Variants in PABPC4L observed in about 807,000 individuals in gnomAD.
PABPC4L encodes the protein poly(A) binding protein cytoplasmic 4 like, also known as polyadenylate-binding protein 4-like.
For missense variants in PABPC4L, 452 were observed against 451.4 expected, an observed-to-expected ratio of 1.00 and a Z score of -0.01; for synonymous variants, 169 against 164.1, an observed-to-expected ratio of 1.03 and a Z score of -0.23.
At chr4:134,114,195 G>A in the PABPC4L span, among the ~76,000 whole-genome samples, 1 of 151,674 alleles carries the variant, frequency 6.6e-6, no homozygotes, top group South Asian at 2.1e-4. Flanking sequence ...ACAAGCACAA[G>A]TTGGAGTCAC....
chr4:134,024,921 TA>T, the PABPC4L span, among the ~76,000 whole-genome samples: 1 of 87,094 alleles, frequency 1.1e-5, no homozygotes, highest in Non-Finnish European at 2.0e-5. Flanking sequence ...GCTAATTATG[TA>T]ATTTTTTTTT....
the PABPC4L span, among the ~76,000 whole-genome samples, chr4:134,060,438 T>A: frequency 6.6e-6 from 1 of 151,314 alleles, no homozygotes; most frequent in South Asian, 2.1e-4. Context: ...TCAGAACCCA[T>A]CCTTCTGCTT....
the PABPC4L span, among the ~76,000 whole-genome samples, chr4:134,081,243 A>T: frequency 1.3e-5 from 2 of 152,128 alleles, no homozygotes; most frequent in Non-Finnish European, 2.9e-5. Flanking sequence ...ATGTGGTGGA[A>T]TGGGGTTTAG....
chr4:134,033,629 A>G, the PABPC4L span, among the ~76,000 whole-genome samples: 1 of 151,982 alleles, frequency 6.6e-6, no homozygotes, highest in Non-Finnish European at 1.5e-5. Flanking sequence ...TCTAATATGA[A>G]GAAACTTTTA....
the PABPC4L span, among the ~76,000 whole-genome samples, chr4:134,079,704 A>G: frequency 2.0e-5 from 3 of 150,720 alleles, no homozygotes; most frequent in Admixed American, 1.3e-4. Flanking sequence ...TGTGAGAGAG[A>G]GAGAGAGAGA....
chr4:134,019,113 G>A, the PABPC4L span, among the ~76,000 whole-genome samples: 5,847 of 152,218 alleles, frequency 0.038, 160 homozygotes, highest in Middle Eastern at 0.095. Context: ...ATAAAAATTA[G>A]AGAAATATGG....
the PABPC4L span, among the ~76,000 whole-genome samples, chr4:134,010,289 T>G: frequency 3.9e-5 from 6 of 152,078 alleles, no homozygotes. Flanking sequence ...GCTTTAAGCA[T>G]GTGAAATCTA....
At chr4:134,091,786 A>C in the PABPC4L span, among the ~76,000 whole-genome samples, 1 of 152,164 alleles carries the variant, frequency 6.6e-6, no homozygotes, top group East Asian at 1.9e-4. Flanking sequence ...GATTACATCT[A>C]ATAATCTAGT....
At chr4:134,054,387 TC>T in the PABPC4L span, among the ~76,000 whole-genome samples, 1 of 150,612 alleles carries the variant, frequency 6.6e-6, no homozygotes, top group Non-Finnish European at 1.5e-5. Context: ...ATAATAGAGA[TC>T]CCTTGTATCC....
rs1214387603 is a variant in PABPC4L at position 134,198,991 on chromosome 4, A to G, written c.*916T>C. 6.6e-6 allele frequency: 1 copy of G among 152,038 alleles called. No individual in the cohort carries two copies. Among genetic ancestry groups the G allele is most frequent in the Non-Finnish European group, 1.5e-5 (1 of 67,914 alleles). 9.4% of individuals were successfully genotyped at this position (152,038 alleles called of 1,614,324 possible). A position where few individuals can be genotyped will look rare whatever the true frequency, so the allele number is the denominator to read the frequency against. On this transcript the variant is annotated 3_prime_UTR_variant, in exon 2 of 2. Coordinates refer to ENST00000421491, the MANE Select transcript of PABPC4L (RefSeq NM_001114734.2). ...ACCCTAAGAGAAAATCACTACACAAAACAATATAAAAGAGATTTTAAAAGT... is the reference window on the plus strand; with the variant it reads ...ACCCTAAGAGAAAATCACTACACAAGACAATATAAAAGAGATTTTAAAAGT...
the PABPC4L span, among the ~76,000 whole-genome samples, chr4:134,013,005 G>T: frequency 1.3e-5 from 2 of 152,076 alleles, no homozygotes; most frequent in Admixed American, 1.3e-4. Flanking sequence ...ACACCTCTCT[G>T]ATTATTCACC....
At chr4:133,986,513 A>C in the PABPC4L span, among the ~76,000 whole-genome samples, 1 of 152,172 alleles carries the variant, frequency 6.6e-6, no homozygotes, top group East Asian at 1.9e-4. Flanking sequence ...TAAGAGAAAT[A>C]AAATGCTTTG....
the PABPC4L span, among the ~76,000 whole-genome samples, chr4:133,959,550 G>T: frequency 6.6e-6 from 1 of 152,264 alleles, no homozygotes; most frequent in South Asian, 2.1e-4. Context: ...TGTGCTGTGG[G>T]CTGAGACTAG....
In PABPC4L at chr4:134,201,170, C is replaced by G. The variant is rs2125710695; in HGVS notation, c.-151G>C. 4 of 1,548,854 alleles carry G rather than the reference C, an allele frequency of 2.6e-6. No homozygotes were observed. The highest frequency in any genetic ancestry group is 1.4e-5 in the African/African-American group (1 of 73,094). ...AAGCAATGGAGTTCAGACACGACTC[C>G]CCCAGCTCAGGCAACACCCTCATCC... is the stretch of plus-strand genomic sequence containing the variant. On this transcript the variant is annotated 5_prime_UTR_variant, in exon 2 of 2. Transcript: ENST00000421491.
At chr4:134,052,204 T>G in the PABPC4L span, among the ~76,000 whole-genome samples, 161 of 152,124 alleles carry the variant, frequency 1.1e-3, no homozygotes, top group Middle Eastern at 6.8e-3. Context: ...AGTAGGTTGT[T>G]CATTGCCACA....
chr4:134,030,096 T>G, the PABPC4L span, among the ~76,000 whole-genome samples: 1 of 152,096 alleles, frequency 6.6e-6, no homozygotes, highest in East Asian at 1.9e-4. Context: ...GAGAGTGGAT[T>G]AAACTTCCTT....
At chr4:134,025,346 G>T in the PABPC4L span, among the ~76,000 whole-genome samples, 17 of 149,680 alleles carry the variant, frequency 1.1e-4, 1 homozygote, top group African/African-American at 3.4e-4. Flanking sequence ...CTGTGCTGGG[G>T]TTACAAGTGT....
the PABPC4L span, among the ~76,000 whole-genome samples, chr4:133,977,549 A>G: frequency 6.6e-6 from 1 of 152,136 alleles, no homozygotes; most frequent in East Asian, 1.9e-4. Context: ...TGAGCATGGA[A>G]TGTTTTTCCA....
chr4:134,115,850 T>C, the PABPC4L span, among the ~76,000 whole-genome samples: 1 of 151,726 alleles, frequency 6.6e-6, no homozygotes, highest in East Asian at 1.9e-4. Flanking sequence ...TTATCACATC[T>C]GCGAATCTAG....
Sources: allele counts gnomAD v4.1 joint callset (sites outside exome capture counted in the v4.1 genomes callset), GRCh38; gene constraint gnomAD v4.1.1; transcripts MANE v1.5; gene names NCBI Gene and HGNC (gene_info 2026-07-23, HGNC 2026-07-21).